PDZD2: variants seen among roughly 807,000 people sequenced by gnomAD.
The protein encoded by PDZD2 is PDZ domain-containing protein 2.
In PDZD2, 90 loss-of-function variants were observed where a neutral mutation model predicts 220.7. The observed-to-expected ratio is 0.41, with a 90% CI of 0.34 to 0.49. PDZD2 has a LOEUF of 0.49. PDZD2 is among the 20% of genes least tolerant of loss of function. PDZD2 has a pLI of 0.28. For missense variants in PDZD2, 3,174 were observed against 3,608.5 expected, an observed-to-expected ratio of 0.88 and a Z score of 3.08; for synonymous variants, 1,375 against 1,450.5, an observed-to-expected ratio of 0.95 and a Z score of 1.18.
chr5:31,727,134 C>A (rs928854439), intron 1 of PDZD2, among the ~76,000 whole-genome samples: 2 of 152,192 alleles, frequency 1.3e-5, no homozygotes, highest in Admixed American at 6.5e-5. Context: ...CGTCCAAACA[C>A]CTCCCACCAG....
chr5:31,799,226 G>C lies in PDZD2; in HGVS notation c.-23G>C. 6.6e-7 allele frequency: 1 copy of C among 1,519,698 alleles called. No homozygotes were observed. Among genetic ancestry groups the C allele is most frequent in the Non-Finnish European group, 9.0e-7 (1 of 1,112,198 alleles). 94.1% of individuals were successfully genotyped at this position (1,519,698 alleles called of 1,614,324 possible). A position where few individuals can be genotyped will look rare whatever the true frequency, so the allele number is the denominator to read the frequency against. ...CCCCAGGAGCAAGACCTCTGATGAT[G>C]CTGGTGTCTGGGAGTGAGCACCATG... On this transcript the variant is annotated 5_prime_UTR_variant, in exon 2 of 25. An upstream start codon of the reference 5' UTR is lost. Transcript: ENST00000438447.
intron 2 of PDZD2, chr5:31,840,427 TATATATATATATATATATA>T (rs1561499156): frequency 0.08 from 9,855 of 122,602 alleles, 1,212 homozygotes; most frequent in East Asian, 0.31. Flanking sequence ...TATATATATA[TATATATATATATATATATA>T]TATTTGTTTA....
At chr5:31,707,331 T>TTAAA (rs372880751) in intron 1 of PDZD2, among the ~76,000 whole-genome samples, 4 of 135,992 alleles carry the variant, frequency 2.9e-5, no homozygotes, top group African/African-American at 1.2e-4. Flanking sequence ...ATTAATTAAT[T>TTAAA]AAATAAAAAA....
chr5:31,733,377 C>T (rs1350998818), intron 1 of PDZD2, among the ~76,000 whole-genome samples: 1 of 152,188 alleles, frequency 6.6e-6, no homozygotes, highest in Non-Finnish European at 1.5e-5. Context: ...GGATATCTTT[C>T]GTTTCTGTCT....
chr5:31,685,300 C>A (rs1746807934), intron 1 of PDZD2, among the ~76,000 whole-genome samples: 1 of 151,966 alleles, frequency 6.6e-6, no homozygotes, highest in African/African-American at 2.4e-5. Flanking sequence ...AAAAAAAAAT[C>A]ATTGAACCTT....
intron 2 of PDZD2, among the ~76,000 whole-genome samples, chr5:31,878,579 T>TTTTTTTTTTTTTTTTTA (rs1283121637): frequency 7.5e-6 from 1 of 132,812 alleles, no homozygotes; most frequent in Non-Finnish European, 1.6e-5. Flanking sequence ...TTTTTTTTTT[T>TTTTTTTTTTTTTTTTTA]GAGACGGAGT....
chr5:31,935,575 T>C (rs1745652402), intron 2 of PDZD2, among the ~76,000 whole-genome samples: 2 of 152,232 alleles, frequency 1.3e-5, no homozygotes, highest in South Asian at 2.1e-4. Context: ...ATGGCTTTTA[T>C]TTCCCAACAG....
At chr5:31,775,595 T>A (rs1267031835) in intron 1 of PDZD2, among the ~76,000 whole-genome samples, 1 of 152,026 alleles carries the variant, frequency 6.6e-6, no homozygotes, top group East Asian at 1.9e-4. Flanking sequence ...AGATCCATGT[T>A]TTCCTTGTTG....
chr5:31,971,395 C>T (rs373017844), intron 2 of PDZD2, among the ~76,000 whole-genome samples: 34 of 152,312 alleles, frequency 2.2e-4, no homozygotes, highest in South Asian at 2.1e-4. Flanking sequence ...ATCCCATTCA[C>T]GAGGCCTCTG....
intron 7 of PDZD2, 78 bp downstream of exon 7, chr5:32,037,420 C>G: frequency 1.2e-6 from 1 of 803,754 alleles, no homozygotes; most frequent in Non-Finnish European, 2.1e-6. Context: ...AAGCCATTGC[C>G]GGGATGAGCT....
chr5:31,775,995 G>A (rs1433857876), intron 1 of PDZD2, among the ~76,000 whole-genome samples: 1 of 152,072 alleles, frequency 6.6e-6, no homozygotes, highest in Non-Finnish European at 1.5e-5. Flanking sequence ...ACAGTAAGAA[G>A]GAAAGCCTTG....
chr5:31,678,371 C>T (rs1746525403), intron 1 of PDZD2, among the ~76,000 whole-genome samples: 1 of 152,170 alleles, frequency 6.6e-6, no homozygotes, highest in Non-Finnish European at 1.5e-5. Context: ...GAAGCAGCAG[C>T]CGCTGAGGGG....
At chr5:31,985,854 G>T (rs577452027) in intron 3 of PDZD2, among the ~76,000 whole-genome samples, 1 of 151,846 alleles carries the variant, frequency 6.6e-6, no homozygotes, top group Non-Finnish European at 1.5e-5. Context: ...CAAGGTGGGT[G>T]GATCACCTGA....
intron 6 of PDZD2, among the ~76,000 whole-genome samples, chr5:32,026,429 C>T (rs184543617): frequency 2.6e-5 from 4 of 152,270 alleles, no homozygotes; most frequent in East Asian, 3.9e-4. Context: ...TGAGCAACTG[C>T]GCCCAGCCTT....
chr5:31,919,915 G>A (rs936049430), intron 2 of PDZD2, among the ~76,000 whole-genome samples: 1 of 151,750 alleles, frequency 6.6e-6, no homozygotes, highest in African/African-American at 2.4e-5. Flanking sequence ...GGCTGCCTGG[G>A]AGGATGAGGC....
At chr5:31,683,332 G>T (rs1353201441) in intron 1 of PDZD2, among the ~76,000 whole-genome samples, 1 of 151,726 alleles carries the variant, frequency 6.6e-6, no homozygotes, top group Non-Finnish European at 1.5e-5. Context: ...CATATTCTTT[G>T]AAGTTTTATT....
chr5:32,053,545 A>G (rs552492604), intron 9 of PDZD2, among the ~76,000 whole-genome samples: 4 of 152,360 alleles, frequency 2.6e-5, no homozygotes, highest in African/African-American at 9.6e-5. Context: ...AATGTAATGC[A>G]TGGCTAGTGC....
In PDZD2 at chr5:32,089,886, A is replaced by T. The variant is rs773535198; in HGVS notation, c.6438A>T (p.Ser2146=). 42 of 1,612,364 alleles carry T rather than the reference A, an allele frequency of 2.6e-5. 1 individual carries two copies. In the South Asian group the frequency reaches 4.6e-4, roughly 18 times the overall value. ...VAESSTSHPS[S]LPSHASQAEQ... ...AATCATCCACAAGTCATCCATCCTC[A>T]CTCCCATCTCATGCCTCCCAGGCAG... Residue 2146 remains serine (S), a synonymous_variant, in exon 20 of 25, where the codon TCA becomes TCT. Coordinates refer to ENST00000438447, the MANE Select transcript of PDZD2 (RefSeq NM_178140.4).
chr5:31,989,579 T>C (rs1233367007), intron 3 of PDZD2, among the ~76,000 whole-genome samples: 2 of 151,950 alleles, frequency 1.3e-5, no homozygotes, highest in Non-Finnish European at 2.9e-5. Flanking sequence ...CACGCCACCA[T>C]GTCCAGCTAA....
Sources: gnomAD v4.1 joint callset for allele counts (sites outside exome capture counted in the v4.1 genomes callset) on GRCh38, gnomAD v4.1.1 for gene constraint, MANE v1.5 for transcripts, NCBI Gene and HGNC (gene_info 2026-07-23, HGNC 2026-07-21) for gene names.